The following UNC5D variants were observed in gnomAD, a reference collection of about 807,000 sequenced individuals.
UNC5D encodes the protein unc-5 netrin receptor D.
A neutral mutation model predicts 105.4 loss-of-function variants in UNC5D; 39 were observed. The ratio of observed to expected loss-of-function variants is 0.37; its 90% confidence interval spans 0.29 to 0.48. The LOEUF is 0.48. Ranked by LOEUF, UNC5D falls within the 20% of genes least tolerant of loss-of-function variation. UNC5D has a pLI of 0.98. For missense variants in UNC5D, 991 were observed against 1,202.4 expected (o/e 0.82, Z 2.60); for synonymous variants, 452 against 450.4 (o/e 1.00, Z -0.04).
At chr8:35,758,757 T>A (rs918035893) in intron 13 of UNC5D, among the ~76,000 whole-genome samples, 7 of 152,356 alleles carry the variant, frequency 4.6e-5, no homozygotes, top group South Asian at 2.1e-4. Context: ...ATACACAACT[T>A]ATTTTTTCTT....
chr8:35,400,534 T>A (rs951379016), intron 1 of UNC5D, among the ~76,000 whole-genome samples: 1 of 152,146 alleles, frequency 6.6e-6, no homozygotes, highest in Non-Finnish European at 1.5e-5. Context: ...AAAACAGATG[T>A]AAACTTCATT....
At chr8:35,780,273 C>T (rs540575024) in intron 16 of UNC5D, among the ~76,000 whole-genome samples, 4 of 152,250 alleles carry the variant, frequency 2.6e-5, no homozygotes, top group Admixed American at 6.5e-5. Context: ...GTGTAAAAAC[C>T]GTATACGTGA....
At chr8:35,292,772 A>T (rs552504814) in intron 1 of UNC5D, among the ~76,000 whole-genome samples, 1 of 128,216 alleles carries the variant, frequency 7.8e-6, no homozygotes, top group Non-Finnish European at 1.5e-5. Context: ...GCTGGTGTGC[A>T]GTGGTGCAAT....
rs188562648 is a variant in UNC5D at position 35,339,302 on chromosome 8, A to G, written c.103+103415A>G. On this transcript the variant is annotated intron_variant, in intron 1 of 16. Coordinates refer to ENST00000404895, the MANE Select transcript of UNC5D (RefSeq NM_080872.4). Reference sequence around the variant, plus strand: ...ACCAATCCTACTTGTTAATAAAATGATGGAAAAGATAGAGAAATAAGCAAA... The same window carrying G: ...ACCAATCCTACTTGTTAATAAAATGGTGGAAAAGATAGAGAAATAAGCAAA... Among the ~76,000 whole-genome samples, 234 of 152,344 alleles carry G rather than the reference A, an allele frequency of 1.5e-3. 1 individual carries two copies. Among genetic ancestry groups the G allele is most frequent in the African/African-American group, 5.4e-3 (226 of 41,592 alleles).
At chr8:35,313,506 AC>A (rs1187531161) in intron 1 of UNC5D, among the ~76,000 whole-genome samples, 1 of 152,136 alleles carries the variant, frequency 6.6e-6, no homozygotes, top group South Asian at 2.1e-4. Flanking sequence ...ACAACCAACA[AC>A]CTTTCAAGCC....
intron 1 of UNC5D, among the ~76,000 whole-genome samples, chr8:35,241,657 GA>G (rs1239552343): frequency 2.0e-5 from 3 of 151,572 alleles, no homozygotes; most frequent in Admixed American, 2.0e-4. Flanking sequence ...TCAAACTTCA[GA>G]GTAGCTTTTA....
chr8:35,728,093 A>AT lies in UNC5D; in HGVS notation c.1681+1564_1681+1565insT, dbSNP rs1263586222. Among the ~76,000 whole-genome samples, 744 of 121,934 alleles carry AT rather than the reference A, an allele frequency of 6.1e-3. 3 individuals are homozygous for AT. The highest frequency in any genetic ancestry group is 8.0e-3 in the Non-Finnish European group (518 of 64,506). The allele number at this position is 121,934 out of a possible 152,430, so 80.0% of individuals were successfully genotyped here. On this transcript the variant is annotated intron_variant, in intron 10 of 16. Transcript: ENST00000404895. ...CTCTAAAAAAAAAAAAAAAAAAAAA[A>AT]AAATATATATATATATATGCCATAA...
chr8:35,498,084 C>CAAAAAAAAAA (rs58175711), intron 1 of UNC5D, among the ~76,000 whole-genome samples: 97 of 58,188 alleles, frequency 1.7e-3, no homozygotes, highest in Non-Finnish European at 3.3e-3. Flanking sequence ...CAAAACAAAA[C>CAAAAAAAAAA]AAAAAAAAAA....
At chr8:35,517,954 T>C (rs1813210846) in intron 1 of UNC5D, among the ~76,000 whole-genome samples, 1 of 152,100 alleles carries the variant, frequency 6.6e-6, no homozygotes, top group Non-Finnish European at 1.5e-5. Flanking sequence ...AGGGCACTAG[T>C]CTCATTCATG....
At chr8:35,595,455 C>T in intron 3 of UNC5D, 99 bp from the exon 4 acceptor site, 1 of 903,702 alleles carries the variant, frequency 1.1e-6, no homozygotes. Flanking sequence ...GTGTGTGTGT[C>T]TAGGTTGTGA....
chr8:35,518,688 A>G lies in UNC5D; in HGVS notation c.104-30604A>G, dbSNP rs116616575. Among the ~76,000 whole-genome samples the G allele has an allele frequency of 6.5e-3, 992 of 152,274 alleles. 8 individuals are homozygous for G. The highest frequency in any genetic ancestry group is 0.022 in the African/African-American group (919 of 41,564). ...CTGATAGAAATTTCTATAGGTCTCC[A>G]ATTATTAAAAGCTTTAGGAAGAACA... On this transcript the variant is annotated intron_variant, in intron 1 of 16. Coordinates refer to ENST00000404895, the MANE Select transcript of UNC5D (RefSeq NM_080872.4).
At chr8:35,543,049 A>G (rs1815382620) in intron 1 of UNC5D, among the ~76,000 whole-genome samples, 1 of 152,208 alleles carries the variant, frequency 6.6e-6, no homozygotes. Context: ...AAAATGGAAC[A>G]TCAGGGTTAA....
chr8:35,411,461 C>T (rs1300350337), intron 1 of UNC5D, among the ~76,000 whole-genome samples: 1 of 151,986 alleles, frequency 6.6e-6, no homozygotes. Context: ...TTTTATGGGG[C>T]AGAGATTTTA....
chr8:35,404,075 A>G (rs1804648205), intron 1 of UNC5D, among the ~76,000 whole-genome samples: 1 of 152,154 alleles, frequency 6.6e-6, no homozygotes, highest in Non-Finnish European at 1.5e-5. Context: ...GCTACTCCCT[A>G]ACAGCCTGAG....
At chr8:35,386,152 C>T (rs1038424904) in intron 1 of UNC5D, among the ~76,000 whole-genome samples, 2 of 152,160 alleles carry the variant, frequency 1.3e-5, no homozygotes, top group South Asian at 4.1e-4. Flanking sequence ...AAGTTTCTCT[C>T]TTTTCAGTAA....
intron 4 of UNC5D, among the ~76,000 whole-genome samples, chr8:35,637,430 C>G (rs1020119335): frequency 6.6e-6 from 1 of 152,136 alleles, no homozygotes; most frequent in Non-Finnish European, 1.5e-5. Context: ...CTCCGAAGTA[C>G]TTGTGGTGTA....
At chr8:35,512,463 G>A (rs1402538496) in intron 1 of UNC5D, among the ~76,000 whole-genome samples, 39 of 58,666 alleles carry the variant, frequency 6.6e-4, no homozygotes, top group East Asian at 9.6e-4. Context: ...CTAATAGTGA[G>A]CCATATATAT....
intron 11 of UNC5D, among the ~76,000 whole-genome samples, chr8:35,732,193 T>C (rs1205914450): frequency 6.6e-6 from 1 of 152,190 alleles, no homozygotes; most frequent in Non-Finnish European, 1.5e-5. Flanking sequence ...GAGAAACAGA[T>C]GGTTTAAACA....
At chr8:35,733,114 C>T (rs947570271) in intron 11 of UNC5D, among the ~76,000 whole-genome samples, 15 of 152,074 alleles carry the variant, frequency 9.9e-5, no homozygotes, top group Admixed American at 7.9e-4. Context: ...TACAGGAAGC[C>T]GCACATTCCT....
Sources: allele counts gnomAD v4.1 joint callset (sites outside exome capture counted in the v4.1 genomes callset), GRCh38; gene constraint gnomAD v4.1.1; transcripts MANE v1.5; gene names NCBI Gene and HGNC (gene_info 2026-07-23, HGNC 2026-07-21).